VPS45: variants seen among roughly 807,000 people sequenced by gnomAD.
VPS45 encodes the protein vacuolar protein sorting 45 homolog.
In VPS45, 35 loss-of-function variants were observed where a neutral mutation model predicts 75.9. The ratio of observed to expected loss-of-function variants is 0.46; its 90% CI spans 0.35 to 0.61. VPS45 has a LOEUF of 0.61. VPS45 is among the 20% of genes least tolerant of loss of function. The pLI is 0.00. For missense variants in VPS45, 559 were observed against 685.9 expected, an observed-to-expected ratio of 0.81 and a Z score of 2.07; for synonymous variants, 220 against 238.2, an observed-to-expected ratio of 0.92 and a Z score of 0.70.
chr1:150,068,070 TGGA>T, intron 1 of VPS45, 120 bp downstream of exon 1: 2 of 1,093,050 alleles, frequency 1.8e-6, no homozygotes, highest in African/African-American at 3.2e-5. Context: ...TCGGTTTGTG[TGGA>T]ATTGAAAAGT....
rs140262654 is a variant in VPS45, at chr1:150,081,597, G to T, written c.822+121G>T. On this transcript the variant is annotated intron_variant, in intron 8 of 14. Transcript: ENST00000644510. ...TGTGAAAGGATGATAGGGGCATCCT[G>T]TGCATAAACTGCCTCTGAAGGGAAG... is the stretch of plus-strand genomic sequence containing the variant. 1.1e-4 allele frequency: 128 copies of T among 1,167,110 alleles called. No homozygotes were observed. In the East Asian group the frequency reaches 2.1e-3, roughly 19 times the overall value. 72.3% of individuals were successfully genotyped at this position (1,167,110 alleles called of 1,614,324 possible). A position where few individuals can be genotyped will look rare whatever the true frequency, so the allele number is the denominator to read the frequency against.
rs1485081340 is a variant in VPS45 at position 150,067,790 on chromosome 1, A to G, written c.-68A>G. On this transcript the variant is annotated 5_prime_UTR_variant, in exon 1 of 15. Transcript: ENST00000644510. The stretch of plus-strand genomic sequence containing the variant: ...AGGAAGCAGCTGAGACCCGGCCAAC[A>G]GACTGGGGGTTAATTTAGCCAGAAA... 5.3e-6 allele frequency: 8 copies of G among 1,523,292 alleles called. No homozygotes were observed. Among genetic ancestry groups the G allele is most frequent in the Non-Finnish European group, 7.3e-6 (8 of 1,103,188 alleles). 94.4% of individuals were successfully genotyped at this position (1,523,292 alleles called of 1,614,324 possible).
At chr1:150,086,431 T>A (rs1656017773) in intron 10 of VPS45, among the ~76,000 whole-genome samples, 1 of 152,124 alleles carries the variant, frequency 6.6e-6, no homozygotes, top group Non-Finnish European at 1.5e-5. Context: ...CCAAGACATG[T>A]TTTTTAGTTC....
chr1:150,125,153 CAT>C (rs58785006), intron 14 of VPS45, among the ~76,000 whole-genome samples: 3,241 of 150,244 alleles, frequency 0.022, 97 homozygotes, highest in African/African-American at 0.074. Context: ...TTTTAATTGA[CAT>C]GTAATAATTT....
intron 10 of VPS45, among the ~76,000 whole-genome samples, chr1:150,087,157 A>G (rs587735690): frequency 6.6e-6 from 1 of 152,232 alleles, no homozygotes; most frequent in Non-Finnish European, 1.5e-5. Context: ...AATATCAGAA[A>G]AGAAGAATGG....
intron 13 of VPS45, chr1:150,098,931 T>G: frequency 1.6e-6 from 2 of 1,218,656 alleles, no homozygotes; most frequent in Non-Finnish European, 2.1e-6. Flanking sequence ...CATTCCAGAA[T>G]CAGTCAATTC....
At chr1:150,069,597 C>T (rs1269110957) in intron 2 of VPS45, among the ~76,000 whole-genome samples, 1 of 141,144 alleles carries the variant, frequency 7.1e-6, no homozygotes, top group East Asian at 2.1e-4. Context: ...GCTGGGACTA[C>T]AGGTGCCCGC....
chr1:150,096,517 G>T (rs1274386748), intron 13 of VPS45, among the ~76,000 whole-genome samples: 5 of 152,160 alleles, frequency 3.3e-5, no homozygotes, highest in Non-Finnish European at 7.3e-5. Context: ...ATCAGGATTG[G>T]TAAGGAGACC....
At chr1:150,096,698 GT>G (rs1252389243) in intron 13 of VPS45, among the ~76,000 whole-genome samples, 1 of 152,196 alleles carries the variant, frequency 6.6e-6, no homozygotes, top group Non-Finnish European at 1.5e-5. Flanking sequence ...TTCTAAGATA[GT>G]GGAAATTTTG....
chr1:150,090,772 G>A (rs1355275107), intron 10 of VPS45, among the ~76,000 whole-genome samples: 1 of 152,150 alleles, frequency 6.6e-6, no homozygotes, highest in Non-Finnish European at 1.5e-5. Flanking sequence ...ACCATATGGA[G>A]ACAGCTTTCT....
At chr1:150,087,011 C>T (rs782284146) in intron 10 of VPS45, among the ~76,000 whole-genome samples, 1 of 150,518 alleles carries the variant, frequency 6.6e-6, no homozygotes, top group Non-Finnish European at 1.5e-5. Context: ...CCAAGACCAA[C>T]TGTAATCTGT....
chr1:150,081,520 T>C (rs782687431), intron 8 of VPS45, 44 bp downstream of exon 8: 2 of 1,574,680 alleles, frequency 1.3e-6, no homozygotes, highest in Non-Finnish European at 1.7e-6. Flanking sequence ...GTTGTTTTTA[T>C]GTAAGAAGAT....
intron 8 of VPS45, 85 bp downstream of exon 8, chr1:150,081,561 A>G: frequency 7.0e-7 from 1 of 1,437,380 alleles, no homozygotes; most frequent in Non-Finnish European, 9.4e-7. Flanking sequence ...AGGGGCAGGC[A>G]TGGGATTTCA....
At chr1:150,108,598 C>A (rs1657461370) in intron 13 of VPS45, among the ~76,000 whole-genome samples, 1 of 151,914 alleles carries the variant, frequency 6.6e-6, no homozygotes, top group Admixed American at 6.6e-5. Flanking sequence ...TGAAAAGTAG[C>A]AAGGGAAAAA....
At chr1:150,078,650 T>C (rs782718580) in intron 7 of VPS45, among the ~76,000 whole-genome samples, 11 of 151,770 alleles carry the variant, frequency 7.2e-5, no homozygotes, top group Non-Finnish European at 1.6e-4. Context: ...TAGTCCCAGC[T>C]ACTTGGGAGG....
rs147499394 is a variant in VPS45 at position 150,083,758 on chromosome 1, T to G, written c.1104+875T>G. Among the ~76,000 whole-genome samples the G allele has an allele frequency of 7.0e-3, 1,057 of 151,312 alleles. 8 individuals are homozygous for G. The highest frequency in any genetic ancestry group is 0.035 in the Middle Eastern group (10 of 288). Reference sequence around the variant, plus strand: ...ACAGAGAATAGTTCAGTGTGGCTAGTCCAGGGTACAAGATGAGTGGTCTTA... The same window carrying G: ...ACAGAGAATAGTTCAGTGTGGCTAGGCCAGGGTACAAGATGAGTGGTCTTA... On this transcript the variant is annotated intron_variant, in intron 10 of 14. Transcript: ENST00000644510.
At position 150,083,034 on chromosome 1, in the gene VPS45, G is replaced by A. The variant is rs782491296; in HGVS notation, c.1104+151G>A. 3.8e-6 allele frequency: 3 copies of A among 797,590 alleles called. No individual in the cohort carries two copies. In the African/African-American group the frequency reaches 5.3e-5, roughly 14 times the overall value. 49.4% of individuals were successfully genotyped at this position (797,590 alleles called of 1,614,324 possible). A position where few individuals can be genotyped will look rare whatever the true frequency, so the allele number is the denominator to read the frequency against. On this transcript the variant is annotated intron_variant, in intron 10 of 14. Transcript: ENST00000644510. ...ACACAAATTAATATTATTTAAGATA[G>A]ATCTATAAAAAGAGTCACAAGAGAA...
At chr1:150,121,633 T>C (rs1361981630) in intron 14 of VPS45, among the ~76,000 whole-genome samples, 3 of 152,238 alleles carry the variant, frequency 2.0e-5, no homozygotes, top group East Asian at 3.8e-4. Flanking sequence ...ATATATGGCA[T>C]GAGTCATTGC....
intron 3 of VPS45, among the ~76,000 whole-genome samples, chr1:150,074,685 A>T (rs1348036420): frequency 2.0e-5 from 3 of 152,094 alleles, no homozygotes; most frequent in Non-Finnish European, 2.9e-5. Context: ...ACCGCACCGA[A>T]CTTTTAAAGA....
Sources: allele counts gnomAD v4.1 joint callset (sites outside exome capture counted in the v4.1 genomes callset), GRCh38; gene constraint gnomAD v4.1.1; transcripts MANE v1.5; gene names NCBI Gene and HGNC (gene_info 2026-07-23, HGNC 2026-07-21).